Variants in KMT2E observed in about 807,000 individuals in gnomAD.
KMT2E encodes the protein lysine methyltransferase 2E (inactive).
KMT2E carries 30 observed loss-of-function variants against 184.6 expected under a neutral mutation model. The ratio of observed to expected loss-of-function variants is 0.16; its 90% CI spans 0.12 to 0.22. The LOEUF (loss-of-function observed/expected upper bound fraction) is 0.22, where lower values mean the gene tolerates loss of function less well. Among genes scored for constraint, KMT2E ranks in the 10% least tolerant of loss-of-function variants. The pLI is 1.00. For synonymous variants in KMT2E, 815 were observed against 776.5 expected (o/e 1.05, Z -0.82); for missense variants, 2,023 against 2,237.4 (o/e 0.90, Z 1.93).
Position 105,079,314 on chromosome 7 carries a change from T to C in KMT2E, c.1248+351T>C, listed in dbSNP as rs560862183. ...CATGCCCGGCTATTTTTTTGCATTTTTAGTAGGGACGGGGTTTCACCATTT... is the reference window on the plus strand; with the variant it reads ...CATGCCCGGCTATTTTTTTGCATTTCTAGTAGGGACGGGGTTTCACCATTT... On this transcript the variant is annotated intron_variant, in intron 12 of 26. Coordinates refer to ENST00000311117, the MANE Select transcript of KMT2E (RefSeq NM_182931.3). 4.0e-5 allele frequency among the ~76,000 whole-genome samples: 6 copies of C among 151,766 alleles called. No homozygotes were observed. In the East Asian group the frequency reaches 1.2e-3, roughly 29 times the overall value.
chr7:105,101,656 A>C (rs1562927887), intron 16 of KMT2E, 67 bp downstream of exon 16: 4 of 1,280,736 alleles, frequency 3.1e-6, no homozygotes, highest in African/African-American at 3.2e-5. Context: ...ACTTGCATTA[A>C]TTACTTATAA....
intron 14 of KMT2E, among the ~76,000 whole-genome samples, 165 bp downstream of exon 14, chr7:105,090,438 G>A (rs549129691): frequency 2.0e-5 from 3 of 152,150 alleles, no homozygotes; most frequent in African/African-American, 2.4e-5. Context: ...GCTAGAATTT[G>A]TACAGTATTT....
At chr7:105,061,387 G>A (rs187599378) in intron 3 of KMT2E, among the ~76,000 whole-genome samples, 149 of 152,314 alleles carry the variant, frequency 9.8e-4, no homozygotes, top group African/African-American at 3.3e-3. Flanking sequence ...ATGTTATTGA[G>A]TATTTGCAAG....
intron 6 of KMT2E, among the ~76,000 whole-genome samples, chr7:105,067,940 C>T (rs1797104606): frequency 6.6e-6 from 1 of 152,028 alleles, no homozygotes; most frequent in Non-Finnish European, 1.5e-5. Context: ...CCACTGTGCC[C>T]CAGCTTAGAT....
At chr7:105,085,136 A>T (rs1290846115) in intron 13 of KMT2E, among the ~76,000 whole-genome samples, 1 of 144,064 alleles carries the variant, frequency 6.9e-6, no homozygotes, top group Non-Finnish European at 1.5e-5. Flanking sequence ...CAATATATGT[A>T]TTGAAAAAAA....
chr7:105,060,761 T>C lies in KMT2E; in HGVS notation c.72-1403T>C, dbSNP rs532996751. Among the ~76,000 whole-genome samples, 6 of 152,280 alleles carry C rather than the reference T, an allele frequency of 3.9e-5. No individual in the cohort carries two copies. In the South Asian group the frequency reaches 1.0e-3, roughly 26 times the overall value. On this transcript the variant is annotated intron_variant, in intron 3 of 26. Transcript: ENST00000311117. ...CTTATTTTCTATGTTTAGATGTGTT[T>C]AGATACAGAATACTTAGCATTGTGT...
intron 3 of KMT2E, among the ~76,000 whole-genome samples, chr7:105,043,127 T>C (rs1398158187): frequency 6.6e-6 from 1 of 152,248 alleles, no homozygotes; most frequent in African/African-American, 2.4e-5. Context: ...TTAGAGCTTA[T>C]TTATTCCATC....
chr7:105,107,004 AATTG>A (rs1483701584), intron 20 of KMT2E, among the ~76,000 whole-genome samples, 158 bp from the exon 21 acceptor site: 1 of 152,228 alleles, frequency 6.6e-6, no homozygotes, highest in African/African-American at 2.4e-5. Context: ...GTGTGTATCT[AATTG>A]ATCTTAAAGC....
At chr7:105,101,395 A>T (rs10953468) in intron 15 of KMT2E, 30 bp from the exon 16 acceptor site, 492,693 of 1,442,766 alleles carry the variant, frequency 0.34, 86,342 homozygotes, top group Non-Finnish European at 0.36. Flanking sequence ...ATTGATATTT[A>T]TGATGTCACT....
intron 3 of KMT2E, among the ~76,000 whole-genome samples, chr7:105,044,362 T>A (rs948349519): frequency 6.6e-6 from 1 of 152,164 alleles, no homozygotes; most frequent in African/African-American, 2.4e-5. Context: ...ATGGGAAAAA[T>A]GCTAAACCAA....
chr7:105,080,787 G>GCAC lies in KMT2E; in HGVS notation c.1249-901_1249-900insCAC, dbSNP rs1387623609. The stretch of plus-strand genomic sequence containing the variant: ...GCACTTTGGGAGGCCAAAGTGGGTG[G>GCAC]ATCACCTGAGGTCAGGAGTTCAAGA... On this transcript the variant is annotated intron_variant, in intron 12 of 26. Coordinates refer to ENST00000311117, the MANE Select transcript of KMT2E (RefSeq NM_182931.3). Among the ~76,000 whole-genome samples the GCAC allele has an allele frequency of 3.3e-4, 50 of 151,830 alleles. 1 individual carries two copies. The highest frequency in any genetic ancestry group is 3.2e-3 in the Admixed American group (48 of 15,206).
At chr7:105,037,035 G>A (rs921880329) in intron 1 of KMT2E, among the ~76,000 whole-genome samples, 2 of 152,058 alleles carry the variant, frequency 1.3e-5, no homozygotes, top group African/African-American at 4.8e-5. Flanking sequence ...ACTAATAAGG[G>A]CTGTTTAATT....
intron 17 of KMT2E, chr7:105,104,698 A>T (rs1485355615): frequency 6.6e-6 from 1 of 152,152 alleles, no homozygotes; most frequent in East Asian, 1.9e-4. Flanking sequence ...CAAAAAAAGT[A>T]CTGTGCACTG....
At chr7:105,080,070 C>G (rs952675583) in intron 12 of KMT2E, among the ~76,000 whole-genome samples, 10 of 151,582 alleles carry the variant, frequency 6.6e-5, no homozygotes, top group African/African-American at 2.4e-4. Flanking sequence ...TGGTCTGGAG[C>G]TCCTGTGTTC....
At chr7:105,106,837 T>G (rs1355101810) in intron 20 of KMT2E, 65 bp downstream of exon 20, 2 of 1,499,714 alleles carry the variant, frequency 1.3e-6, no homozygotes, top group African/African-American at 2.8e-5. Flanking sequence ...TTTTAAGAGC[T>G]CTTTCCCCTC....
chr7:105,110,787 T>C lies in KMT2E; in HGVS notation c.3987T>C (p.Asn1329=). 6.2e-7 allele frequency: 1 copy of C among 1,614,008 alleles called. No individual in the cohort carries two copies. Among genetic ancestry groups the C allele is most frequent in the Non-Finnish European group, 8.5e-7 (1 of 1,179,874 alleles). The change falls in exon 26 of 27, where the codon AAT becomes AAC. Residue 1329 remains asparagine, a synonymous_variant. Transcript: ENST00000311117. ...SELMEDPDPE[N]PEPTTTNECP... ...GCTTTATAGACCCTGATCCTGAAAA[T>C]CCAGAACCCACAACTACGAATGAAT...
At chr7:105,074,553 A>G (rs766357706) in intron 7 of KMT2E, 90 bp from the exon 8 acceptor site, 241 of 943,336 alleles carry the variant, frequency 2.6e-4, no homozygotes, top group Non-Finnish European at 3.4e-4. Flanking sequence ...AAAGATGGAG[A>G]CGACAATACT....
chr7:105,018,387 C>G (rs1474128837), intron 1 of KMT2E, among the ~76,000 whole-genome samples: 1 of 152,070 alleles, frequency 6.6e-6, no homozygotes, highest in African/African-American at 2.4e-5. Flanking sequence ...TGTGTAAAAG[C>G]TTTTATCTCC....
chr7:105,093,088 A>C (rs1306327963), intron 15 of KMT2E, among the ~76,000 whole-genome samples: 1 of 152,084 alleles, frequency 6.6e-6, no homozygotes, highest in East Asian at 1.9e-4. Flanking sequence ...CCAGCTATTC[A>C]GGGTGCTGAA....
Sources: gnomAD v4.1 joint callset for allele counts (sites outside exome capture counted in the v4.1 genomes callset) on GRCh38, gnomAD v4.1.1 for gene constraint, MANE v1.5 for transcripts, NCBI Gene and HGNC (gene_info 2026-07-23, HGNC 2026-07-21) for gene names.